Variants in ERC1 observed in about 807,000 individuals in gnomAD.
ERC1 encodes the protein ELKS/RAB6-interacting/CAST family member 1.
A neutral mutation model predicts 132.0 loss-of-function variants in ERC1; 56 were observed. The ratio of observed to expected loss-of-function variants is 0.42; its 90% CI spans 0.34 to 0.53. The LOEUF (loss-of-function observed/expected upper bound fraction) is 0.53, where lower values mean the gene tolerates loss of function less well. ERC1 is among the 20% of genes least tolerant of loss of function. The probability of loss-of-function intolerance (pLI) is 0.03; values close to 1 mark genes in which losing one functional copy is unlikely to be tolerated. For missense variants in ERC1, 1,202 were observed against 1,349.9 expected (o/e 0.89, Z 1.72); for synonymous variants, 478 against 476.1 (o/e 1.00, Z -0.05).
chr12:1,257,622 T>G (rs1038564083), intron 13 of ERC1, among the ~76,000 whole-genome samples: 7 of 152,170 alleles, frequency 4.6e-5, no homozygotes, highest in Non-Finnish European at 8.8e-5. Context: ...ATTACCTATA[T>G]AACTCATATT....
intron 16 of ERC1, among the ~76,000 whole-genome samples, 169 bp from the exon 17 acceptor site, chr12:1,407,980 G>A (rs1282650447): frequency 6.6e-6 from 1 of 152,126 alleles, no homozygotes; most frequent in Non-Finnish European, 1.5e-5. Context: ...TCAGCCCGTA[G>A]TATTGGCTAA....
intron 17 of ERC1, among the ~76,000 whole-genome samples, chr12:1,438,659 G>A (rs946018727): frequency 3.9e-5 from 6 of 152,056 alleles, no homozygotes; most frequent in Non-Finnish European, 8.8e-5. Context: ...GGCATCTTTC[G>A]GGCTGGGTGC....
intron 16 of ERC1, among the ~76,000 whole-genome samples, chr12:1,395,248 T>C (rs977223246): frequency 2.0e-5 from 3 of 152,208 alleles, no homozygotes; most frequent in Admixed American, 1.3e-4. Context: ...GCCCAAAAGG[T>C]ATTTCACTCC....
chr12:1,010,506 T>C (rs949275266), intron 1 of ERC1, among the ~76,000 whole-genome samples: 1 of 118,024 alleles, frequency 8.5e-6, no homozygotes, highest in Non-Finnish European at 1.7e-5. Context: ...AGAAAGGAAA[T>C]ATGATTTTTT....
At chr12:1,332,033 C>T (rs2082904556) in intron 15 of ERC1, among the ~76,000 whole-genome samples, 1 of 152,010 alleles carries the variant, frequency 6.6e-6, no homozygotes, top group Admixed American at 6.6e-5. Context: ...TCTTGTATTA[C>T]TTCTTTGGTC....
intron 8 of ERC1, among the ~76,000 whole-genome samples, chr12:1,174,774 C>G (rs1036787567): frequency 6.6e-6 from 1 of 152,170 alleles, no homozygotes; most frequent in Non-Finnish European, 1.5e-5. Context: ...TTGTATTGCC[C>G]TTTCTTGACA....
chr12:1,375,009 C>T (rs925071115), intron 16 of ERC1, among the ~76,000 whole-genome samples: 20 of 152,144 alleles, frequency 1.3e-4, no homozygotes, highest in African/African-American at 4.1e-4. Flanking sequence ...GTTTTGTAGG[C>T]GTGAGGGATA....
At chr12:1,474,054 T>A (rs1180466981) in intron 18 of ERC1, among the ~76,000 whole-genome samples, 1 of 152,216 alleles carries the variant, frequency 6.6e-6, no homozygotes, top group East Asian at 1.9e-4. Context: ...AGGAAGTTAT[T>A]TTATGTCTTC....
chr12:1,092,648 C>T (rs1943399916), intron 3 of ERC1, among the ~76,000 whole-genome samples: 1 of 152,202 alleles, frequency 6.6e-6, no homozygotes, highest in South Asian at 2.1e-4. Flanking sequence ...AAAAAACTAA[C>T]TCTTGCAATC....
At position 1,364,722 on chromosome 12, in the gene ERC1, A is replaced by G. The variant is rs924238499; in HGVS notation, c.2781-7111A>G. Among the ~76,000 whole-genome samples, 18 of 152,326 alleles carry G rather than the reference A, an allele frequency of 1.2e-4. 1 individual carries two copies. The highest frequency in any genetic ancestry group is 4.3e-4 in the African/African-American group (18 of 41,566). On this transcript the variant is annotated intron_variant, in intron 15 of 18. Coordinates refer to ENST00000360905, the MANE Select transcript of ERC1 (RefSeq NM_178040.4). ...CCTCAGCATTTACTGCCCATACAGT[A>G]TATTTGGCACTTAGCATTTATTGTT...
At chr12:1,053,693 C>T (rs1239546303) in intron 2 of ERC1, among the ~76,000 whole-genome samples, 1 of 152,122 alleles carries the variant, frequency 6.6e-6, no homozygotes, top group African/African-American at 2.4e-5. Flanking sequence ...TATTTGTTCC[C>T]TCTTGCTAGA....
chr12:1,108,485 G>A (rs1486453556), intron 4 of ERC1, among the ~76,000 whole-genome samples: 1 of 152,178 alleles, frequency 6.6e-6, no homozygotes, highest in Non-Finnish European at 1.5e-5. Flanking sequence ...GCTGATGACA[G>A]AGGAGAACTT....
intron 18 of ERC1, among the ~76,000 whole-genome samples, chr12:1,474,763 G>T (rs529168573): frequency 6.6e-6 from 1 of 152,126 alleles, no homozygotes; most frequent in Non-Finnish European, 1.5e-5. Context: ...GGTTTTCCCT[G>T]TAGCCAGTCG....
At chr12:1,371,763 T>C in intron 15 of ERC1, 70 bp from the exon 16 acceptor site, 2 of 1,517,714 alleles carry the variant, frequency 1.3e-6, no homozygotes, top group Non-Finnish European at 1.8e-6. Flanking sequence ...ATGGGGGTAC[T>C]GGTAATAGTA....
At chr12:1,168,500 TGGA>T (rs1298182498) in intron 8 of ERC1, among the ~76,000 whole-genome samples, 2 of 148,708 alleles carry the variant, frequency 1.3e-5, no homozygotes, top group East Asian at 1.9e-4. Context: ...TTTTTTTTTT[TGGA>T]GGAGGAGTCT....
Position 1,145,610 on chromosome 12 carries a change from C to G in ERC1, c.1737+3823C>G, listed in dbSNP as rs1416372505. Among the ~76,000 whole-genome samples the G allele has an allele frequency of 1.4e-4, 22 of 152,090 alleles. 1 individual carries two copies. The highest frequency in any genetic ancestry group is 2.9e-5 in the Non-Finnish European group (2 of 68,008). On this transcript the variant is annotated intron_variant, in intron 8 of 18. Transcript: ENST00000360905. ...GTCTCATCTATTTATCTTTTTGTTG[C>G]ATTTGCTTTTGGGTTCTTGTTCATG...
intron 16 of ERC1, among the ~76,000 whole-genome samples, chr12:1,398,930 CTTTTTTTTTTTTTTT>C (rs1162145460): frequency 3.2e-5 from 3 of 93,902 alleles, no homozygotes; most frequent in East Asian, 2.9e-4. Context: ...TTTTCTCCTA[CTTTTTTTTTTTTTTT>C]TTTTTTTTTT....
chr12:1,276,542 C>T (rs935594502), intron 14 of ERC1, among the ~76,000 whole-genome samples: 17 of 151,864 alleles, frequency 1.1e-4, no homozygotes, highest in Admixed American at 1.3e-4. Flanking sequence ...CCCAGCCTCT[C>T]ATGTTTTTCA....
intron 8 of ERC1, among the ~76,000 whole-genome samples, chr12:1,154,253 GTA>G (rs1204632146): frequency 8.2e-6 from 1 of 121,228 alleles, no homozygotes; most frequent in Non-Finnish European, 1.8e-5. Context: ...ATATGTATAT[GTA>G]TATGTGTATA....
Sources: gnomAD v4.1 joint callset for allele counts (sites outside exome capture counted in the v4.1 genomes callset) on GRCh38, gnomAD v4.1.1 for gene constraint, MANE v1.5 for transcripts, NCBI Gene and HGNC (gene_info 2026-07-23, HGNC 2026-07-21) for gene names.